The following SP140 variants were observed in gnomAD, a reference collection of about 807,000 sequenced individuals.
SP140 encodes nuclear body protein SP140.
A neutral mutation model predicts 125.0 loss-of-function variants in SP140; 81 were observed. The ratio of observed to expected loss-of-function variants is 0.65; its 90% CI spans 0.54 to 0.78. SP140 has a LOEUF of 0.78. SP140 is among the 30% of genes least tolerant of loss of function. SP140 has a pLI of 0.00. For missense variants in SP140, 858 were observed against 1,037.0 expected, an observed-to-expected ratio of 0.83 and a Z score of 2.37; for synonymous variants, 312 against 354.0, an observed-to-expected ratio of 0.88 and a Z score of 1.33.
At chr2:230,283,959 G>A (rs561531526) in intron 15 of SP140, among the ~76,000 whole-genome samples, 1 of 152,256 alleles carries the variant, frequency 6.6e-6, no homozygotes, top group African/African-American at 2.4e-5. Flanking sequence ...TTCCAACACA[G>A]AATATTATCC....
chr2:230,270,986 T>C (rs1277610623), intron 15 of SP140, among the ~76,000 whole-genome samples: 3 of 152,238 alleles, frequency 2.0e-5, no homozygotes, highest in Non-Finnish European at 2.9e-5. Flanking sequence ...ATCAGAAATA[T>C]GTCATGTTGC....
At chr2:230,212,282 G>A (rs941203298) in intron 1 of SP140, 8 of 1,202,884 alleles carry the variant, frequency 6.7e-6, no homozygotes, top group African/African-American at 4.5e-5. Flanking sequence ...CTCTTGGTTG[G>A]CAGACGCATG....
At chr2:230,315,782 T>A, downstream of SP140, among the ~76,000 whole-genome samples, 1 of 152,160 alleles carries the variant, frequency 6.6e-6, no homozygotes, top group East Asian at 1.9e-4. Flanking sequence ...TTACCCCAGT[T>A]ACACCTCCAT....
At chr2:230,270,798 CCTGTAAT>C in intron 15 of SP140, 159 bp downstream of exon 15, 1 of 718,320 alleles carries the variant, frequency 1.4e-6, no homozygotes, top group Non-Finnish European at 2.5e-6. Context: ...AATCCCTGGA[CCTGTAAT>C]CTGCTATCTT....
chr2:230,262,387 G>A (rs867796971), intron 12 of SP140, among the ~76,000 whole-genome samples: 1 of 151,864 alleles, frequency 6.6e-6, no homozygotes, highest in East Asian at 1.9e-4. Context: ...TTACCTTTTC[G>A]AAGAACCAGC....
intron 3 of SP140, chr2:230,215,270 G>T: frequency 1.5e-6 from 1 of 664,870 alleles, no homozygotes; most frequent in Non-Finnish European, 2.6e-6. Context: ...AAGGTAGAGC[G>T]GTCACAGTTT....
chr2:230,307,955 G>GTATATATATATATATATATATATATATA (rs60233854), intron 22 of SP140, among the ~76,000 whole-genome samples: 2 of 48,428 alleles, frequency 4.1e-5, no homozygotes, highest in Admixed American at 2.3e-4. Flanking sequence ...GGACATGCAT[G>GTATATATATATATATATATATATATATA]TATATATATA....
At chr2:230,205,695 C>T (rs2043705090) in intron 1 of SP140, among the ~76,000 whole-genome samples, 1 of 152,132 alleles carries the variant, frequency 6.6e-6, no homozygotes, top group South Asian at 2.1e-4. Context: ...ACTTAGAAGA[C>T]TAGGTTTTTG....
chr2:230,192,519 G>A, the SP140 span, among the ~76,000 whole-genome samples: 1 of 150,474 alleles, frequency 6.6e-6, no homozygotes, highest in African/African-American at 2.5e-5. Flanking sequence ...AAATCATGAT[G>A]AACTACCATT....
At chr2:230,275,844 G>A (rs866766335) in intron 15 of SP140, among the ~76,000 whole-genome samples, 1 of 152,116 alleles carries the variant, frequency 6.6e-6, no homozygotes, top group Non-Finnish European at 1.5e-5. Flanking sequence ...CAGTCTTATC[G>A]CTGATATGGA....
Position 230,237,009 on chromosome 2 carries a change from T to C in SP140, c.60-74T>C. The C allele has an allele frequency of 8.2e-7, 1 of 1,221,940 alleles. No homozygotes were observed. The highest frequency in any genetic ancestry group is 2.5e-5 in the East Asian group (1 of 39,284). 75.7% of individuals were successfully genotyped at this position (1,221,940 alleles called of 1,614,324 possible). A position where few individuals can be genotyped will look rare whatever the true frequency, so the allele number is the denominator to read the frequency against. ...GGCTCTCCATTGGCCATCCTTCATG[T>C]CTAAAATCTTCTAACCACCACAAAC... On this transcript the variant is annotated intron_variant, in intron 1 of 26. Coordinates refer to ENST00000392045, the MANE Select transcript of SP140 (RefSeq NM_007237.5). This position sits in a 1 kb window ranked among gnomAD's most constrained non-coding sequence, Gnocchi z 5.4.
In SP140 at chr2:230,214,944, C is replaced by T. The variant is rs201244482; in HGVS notation, c.-91+870C>T. On this transcript the variant is annotated intron_variant, in intron 3 of 4. Transcript: ENST00000456542. The stretch of plus-strand genomic sequence containing the variant: ...AATGCAAAAAGCACTTGAGAAATCT[C>T]ATTACCACGTTTGAAGCTTCTGTAA... The T allele has an allele frequency of 1.9e-6, 3 of 1,613,316 alleles. No individual in the cohort carries two copies. The highest frequency in any genetic ancestry group is 2.5e-6 in the Non-Finnish European group (3 of 1,179,286).
intron 12 of SP140, among the ~76,000 whole-genome samples, chr2:230,265,536 C>T (rs1011363928): frequency 6.6e-6 from 1 of 152,272 alleles, no homozygotes; most frequent in African/African-American, 2.4e-5. Context: ...TAGTTTTACC[C>T]CCTGCTCCTC....
chr2:230,206,133 A>G (rs2043773582), intron 1 of SP140, among the ~76,000 whole-genome samples: 4 of 152,174 alleles, frequency 2.6e-5, no homozygotes, highest in Admixed American at 2.6e-4. Context: ...ATGATAAACT[A>G]AGTCAGGGAA....
At chr2:230,227,443 A>G (rs750946535) in intron 1 of SP140, among the ~76,000 whole-genome samples, 5 of 152,222 alleles carry the variant, frequency 3.3e-5, no homozygotes, top group Non-Finnish European at 5.9e-5. Flanking sequence ...TGCTAACCTC[A>G]AAGAATGAGT....
Position 230,255,480 on chromosome 2 carries a change from T to C in SP140, c.1188T>C (p.Cys396=). The change falls in exon 12 of 27, where the codon TGT becomes TGC. Residue 396 remains cysteine, a synonymous_variant. Coordinates refer to ENST00000392045, the MANE Select transcript of SP140 (RefSeq NM_007237.5). The part of the protein sequence containing the change: ...EEGSDDCSEM[C]DGEERQEASS... ...GCAGTGATGACTGTTCGGAAATGTG[T>C]GATGGAGAAGAGCGCCAGGAAGCCT... is the stretch of plus-strand genomic sequence containing the variant. 6.2e-7 allele frequency: 1 copy of C among 1,613,516 alleles called. No individual in the cohort carries two copies. The highest frequency in any genetic ancestry group is 8.5e-7 in the Non-Finnish European group (1 of 1,179,768).
At chr2:230,235,195 ATCTC>A (rs2047792618) in intron 1 of SP140, 1 of 152,144 alleles carries the variant, frequency 6.6e-6, no homozygotes, top group Admixed American at 6.5e-5. Context: ...CTTTGGAACA[ATCTC>A]TCGATTTTCA....
chr2:230,266,542 G>T (rs2053158426), intron 12 of SP140, among the ~76,000 whole-genome samples: 1 of 152,212 alleles, frequency 6.6e-6, no homozygotes, highest in African/African-American at 2.4e-5. Flanking sequence ...AGTCCTGCCA[G>T]CAGAAGTGTG....
upstream of SP140, among the ~76,000 whole-genome samples, chr2:230,198,286 A>C (rs979348874): frequency 6.6e-6 from 1 of 152,122 alleles, no homozygotes; most frequent in Non-Finnish European, 1.5e-5. Context: ...AGTGACACCC[A>C]TCTCTCTGGC....
Sources: allele counts gnomAD v4.1 joint callset (sites outside exome capture counted in the v4.1 genomes callset), GRCh38; gene constraint gnomAD v4.1.1; non-coding constraint Gnocchi (gnomAD v3.1); transcripts MANE v1.5; gene names NCBI Gene and HGNC (gene_info 2026-07-23, HGNC 2026-07-21).